PCBD2: variants seen among roughly 807,000 people sequenced by gnomAD.
PCBD2 encodes the protein pterin-4-alpha-carbinolamine dehydratase 2.
In PCBD2, 12 loss-of-function variants were observed where a neutral mutation model predicts 16.4. The observed-to-expected ratio is 0.73, with a 90% confidence interval of 0.47 to 1.19. PCBD2 has a LOEUF of 1.19. Among genes scored for constraint, PCBD2 ranks in the 50% most tolerant of loss-of-function variants. PCBD2 has a pLI of 0.00. For missense variants in PCBD2, 138 were observed against 156.8 expected, an observed-to-expected ratio of 0.88 and a Z score of 0.64; for synonymous variants, 58 against 61.8, an observed-to-expected ratio of 0.94 and a Z score of 0.29.
Position 134,914,617 on chromosome 5 carries a change from G to T in PCBD2, c.216+4151G>T, listed in dbSNP as rs77540236. 3.9e-4 allele frequency among the ~76,000 whole-genome samples: 59 copies of T among 152,180 alleles called. No homozygotes were observed. In the East Asian group the frequency reaches 0.011, roughly 28 times the overall value. On this transcript the variant is annotated intron_variant, in intron 2 of 3. Transcript: ENST00000254908. ...CTTGGAGTCTCGGCAGGGTAGGGAA[G>T]TACAGTTGTGATGGGGAGGTGATAG...
At chr5:134,924,882 G>A (rs901564113) in intron 2 of PCBD2, 10 of 389,850 alleles carry the variant, frequency 2.6e-5, no homozygotes, top group African/African-American at 6.2e-5. Context: ...GGTAAAATCC[G>A]AGTATATTAG....
chr5:134,959,226 C>G (rs1231550347), intron 3 of PCBD2, 106 bp downstream of exon 3: 1 of 784,058 alleles, frequency 1.3e-6, no homozygotes, highest in African/African-American at 1.8e-5. Flanking sequence ...TTAAGAAAGT[C>G]TTATCCTTTC....
chr5:134,907,646 G>A (rs1204066807), intron 1 of PCBD2, among the ~76,000 whole-genome samples: 3 of 151,468 alleles, frequency 2.0e-5, no homozygotes, highest in South Asian at 2.1e-4. Flanking sequence ...TAATTGAGTC[G>A]GAGTTTCACT....
At chr5:134,906,804 C>G (rs1361841047) in intron 1 of PCBD2, among the ~76,000 whole-genome samples, 1 of 152,178 alleles carries the variant, frequency 6.6e-6, no homozygotes, top group African/African-American at 2.4e-5. Context: ...TTCAGAAAAG[C>G]GGAGTTTAGT....
At chr5:134,920,462 C>G (rs1750889256) in intron 2 of PCBD2, among the ~76,000 whole-genome samples, 1 of 152,212 alleles carries the variant, frequency 6.6e-6, no homozygotes, top group African/African-American at 2.4e-5. Flanking sequence ...ATGGGTTTTA[C>G]CATACTTCCC....
chr5:134,934,200 C>T (rs1180133082), intron 2 of PCBD2, among the ~76,000 whole-genome samples: 2 of 151,786 alleles, frequency 1.3e-5, no homozygotes. Flanking sequence ...TGTACTTTCC[C>T]CTTTGTATTT....
chr5:134,942,103 C>G (rs942478490), intron 2 of PCBD2, among the ~76,000 whole-genome samples: 8 of 140,054 alleles, frequency 5.7e-5, no homozygotes, highest in Non-Finnish European at 9.0e-5. Flanking sequence ...TGCACTCCAG[C>G]CTGGGCAATA....
intron 2 of PCBD2, among the ~76,000 whole-genome samples, chr5:134,948,686 A>G (rs1308859197): frequency 6.7e-6 from 1 of 150,208 alleles, no homozygotes; most frequent in East Asian, 2.0e-4. Context: ...TGTGTAGGCT[A>G]TTATGGCAAT....
At chr5:134,952,058 T>G (rs1015202509) in intron 2 of PCBD2, among the ~76,000 whole-genome samples, 2 of 152,124 alleles carry the variant, frequency 1.3e-5, no homozygotes, top group Non-Finnish European at 2.9e-5. Flanking sequence ...AATTTCTTGT[T>G]AAGTTACTCT....
At chr5:134,921,398 T>C (rs1750901670) in intron 2 of PCBD2, among the ~76,000 whole-genome samples, 1 of 152,170 alleles carries the variant, frequency 6.6e-6, no homozygotes, top group East Asian at 1.9e-4. Flanking sequence ...AGTTGGTTCT[T>C]GAAGATCTGG....
intron 2 of PCBD2, among the ~76,000 whole-genome samples, chr5:134,912,971 A>C (rs1030917926): frequency 2.0e-5 from 3 of 152,180 alleles, no homozygotes; most frequent in African/African-American, 7.2e-5. Context: ...GGTGTAAGTA[A>C]AAAAAATTTC....
chr5:134,923,237 G>C (rs1229642514), intron 2 of PCBD2: 1 of 153,042 alleles, frequency 6.5e-6, no homozygotes. Context: ...GCATCAGAAA[G>C]GAGTGCTGTG....
chr5:134,911,381 C>T (rs1413943620), intron 2 of PCBD2, among the ~76,000 whole-genome samples: 4 of 152,202 alleles, frequency 2.6e-5, no homozygotes, highest in Non-Finnish European at 4.4e-5. Flanking sequence ...TTTAGAGAGT[C>T]ATCTCCCATG....
At chr5:134,913,743 C>G (rs1436170988) in intron 2 of PCBD2, among the ~76,000 whole-genome samples, 1 of 151,978 alleles carries the variant, frequency 6.6e-6, no homozygotes, top group African/African-American at 2.4e-5. Flanking sequence ...TGATGGGGGT[C>G]TTATGGAGGT....
chr5:134,924,239 G>A, intron 2 of PCBD2: 2 of 395,358 alleles, frequency 5.1e-6, no homozygotes, highest in Non-Finnish European at 8.9e-6. Flanking sequence ...GTGTGATTGG[G>A]TGTGTTATTA....
At chr5:134,910,017 C>T (rs116588179) in intron 1 of PCBD2, among the ~76,000 whole-genome samples, 2,052 of 152,308 alleles carry the variant, frequency 0.013, 29 homozygotes, top group Non-Finnish European at 0.02. Flanking sequence ...TTGCAGTGAG[C>T]TGTGATTGCA....
In PCBD2 at chr5:134,957,296, G is replaced by C. The variant is rs147735821; in HGVS notation, c.217-1744G>C. Among the ~76,000 whole-genome samples the C allele has an allele frequency of 7.8e-3, 1,184 of 152,128 alleles. 6 individuals carry two copies. Among genetic ancestry groups the C allele is most frequent in the Non-Finnish European group, 0.012 (816 of 67,960 alleles). Reference sequence around the variant, plus strand: ...GAAAACTGAGACTGATAGTTAAATTGCATGATAATTAAGTGATAGAATCAG... The same window carrying C: ...GAAAACTGAGACTGATAGTTAAATTCCATGATAATTAAGTGATAGAATCAG... On this transcript the variant is annotated intron_variant, in intron 2 of 3. Coordinates refer to ENST00000254908, the MANE Select transcript of PCBD2 (RefSeq NM_032151.5).
chr5:134,921,468 A>G (rs1332862940), intron 2 of PCBD2, among the ~76,000 whole-genome samples: 2 of 152,118 alleles, frequency 1.3e-5, no homozygotes, highest in Admixed American at 6.5e-5. Flanking sequence ...GGTCTAGGAC[A>G]GGGAGTAAGA....
chr5:134,944,881 G>A (rs541219608), intron 2 of PCBD2, among the ~76,000 whole-genome samples: 13 of 152,354 alleles, frequency 8.5e-5, no homozygotes, highest in African/African-American at 2.2e-4. Context: ...AGGTGGTTTA[G>A]ATTAGCTGTG....
Sources: gnomAD v4.1 joint callset for allele counts (sites outside exome capture counted in the v4.1 genomes callset) on GRCh38, gnomAD v4.1.1 for gene constraint, MANE v1.5 for transcripts, NCBI Gene and HGNC (gene_info 2026-07-23, HGNC 2026-07-21) for gene names.